ERAP1: variants seen among roughly 807,000 people sequenced by gnomAD.
ERAP1 encodes the protein adipocyte-derived leucine aminopeptidase.
Under a neutral mutation model 103.7 loss-of-function variants are expected in ERAP1, and 86 were observed. The observed-to-expected ratio is 0.83, with a 90% CI of 0.70 to 0.99. ERAP1 has a LOEUF of 0.99. ERAP1 is among the 50% of genes least tolerant of loss of function. The pLI, the probability that ERAP1 is intolerant of heterozygous loss-of-function variation, is 0.00. For synonymous variants in ERAP1, 398 were observed against 402.4 expected, an observed-to-expected ratio of 0.99 and a Z score of 0.13; for missense variants, 1,009 against 1,128.4, an observed-to-expected ratio of 0.89 and a Z score of 1.52.
chr5:96,893,962 T>C, the ERAP1 span, among the ~76,000 whole-genome samples: 2 of 152,210 alleles, frequency 1.3e-5, no homozygotes, highest in Non-Finnish European at 2.9e-5. Flanking sequence ...CTGAGTACTA[T>C]TTACAAGGCT....
intron 10 of ERAP1, 117 bp downstream of exon 10, chr5:96,790,179 T>C (rs1203538466): frequency 1.2e-6 from 1 of 863,218 alleles, no homozygotes; most frequent in East Asian, 2.6e-5. Flanking sequence ...TGCAGTCTTA[T>C]CTGGAATGAG....
At chr5:96,881,328 G>A in the ERAP1 span, 8 of 439,848 alleles carry the variant, frequency 1.8e-5, no homozygotes, top group African/African-American at 8.0e-5. Flanking sequence ...CAGTGCTTAT[G>A]GAGTGAAACA....
At chr5:96,917,810 G>C in the ERAP1 span, 2 of 271,578 alleles carry the variant, frequency 7.4e-6, no homozygotes, top group Admixed American at 5.3e-5. Flanking sequence ...GCAGGCTGCA[G>C]CAGGAAAATG....
the ERAP1 span, among the ~76,000 whole-genome samples, chr5:96,906,804 G>A: frequency 6.6e-6 from 1 of 152,192 alleles, no homozygotes; most frequent in Admixed American, 6.5e-5. Flanking sequence ...GGCCAAGGCG[G>A]GTGGATCACC....
chr5:96,765,153 C>A, intron 19 of ERAP1: 1 of 879,448 alleles, frequency 1.1e-6, no homozygotes, highest in Non-Finnish European at 1.9e-6. Context: ...AGATGGAGTT[C>A]CTGGGCTAAT....
Position 96,775,395 on chromosome 5 carries a change from G to A in ERAP1, c.*1001C>T. 2.0e-6 allele frequency: 2 copies of A among 985,286 alleles called. No individual in the cohort carries two copies. Among genetic ancestry groups the A allele is most frequent in the Non-Finnish European group, 2.4e-6 (2 of 829,758 alleles). 61.0% of individuals were successfully genotyped at this position (985,286 alleles called of 1,614,324 possible). A position where few individuals can be genotyped will look rare whatever the true frequency, so the allele number is the denominator to read the frequency against. On this transcript the variant is annotated 3_prime_UTR_variant, in exon 19 of 19. Transcript: ENST00000443439. ...GTCAGTAAATGCCAATAACTAGTTA[G>A]TTAGAAATTGTAAAGTAGGCCAAAT... is the stretch of plus-strand genomic sequence containing the variant.
At chr5:96,808,102 A>T (rs887379332), upstream of ERAP1, 6 of 985,236 alleles carry the variant, frequency 6.1e-6, no homozygotes, top group Admixed American at 1.2e-4. Flanking sequence ...GGAATTGGTA[A>T]ATGAGCGCTG....
the ERAP1 span, among the ~76,000 whole-genome samples, chr5:96,845,696 A>G: frequency 1.2e-4 from 17 of 139,174 alleles, no homozygotes; most frequent in African/African-American, 3.6e-4. Flanking sequence ...ATATTCTGCA[A>G]TTTCCTGTAT....
At chr5:96,934,985 G>GC in the ERAP1 span, 1 of 152,336 alleles carries the variant, frequency 6.6e-6, no homozygotes, top group Non-Finnish European at 1.5e-5. Flanking sequence ...GGCTTATGGG[G>GC]CCCCTGGCGG....
the ERAP1 span, among the ~76,000 whole-genome samples, chr5:96,814,488 A>G: frequency 6.6e-6 from 1 of 152,330 alleles, no homozygotes; most frequent in Non-Finnish European, 1.5e-5. Flanking sequence ...ATATCAAAAA[A>G]ATAACTGGTG....
Position 96,793,317 on chromosome 5 carries a change from A to G in ERAP1, c.1188+83T>C, listed in dbSNP as rs1203273286. The G allele has an allele frequency of 3.1e-6, 3 of 975,526 alleles. No individual in the cohort carries two copies. The Admixed American group carries it at 5.8e-5, about 19-fold the overall frequency. 60.4% of individuals were successfully genotyped at this position (975,526 alleles called of 1,614,324 possible). A position where few individuals can be genotyped will look rare whatever the true frequency, so the allele number is the denominator to read the frequency against. The stretch of plus-strand genomic sequence containing the variant: ...GTGAAATATTTTTATAAGTTCTATA[A>G]TCAAAGATTAGTGAATATTTTCCAG... On this transcript the variant is annotated intron_variant, in intron 7 of 18. Transcript: ENST00000443439.
At chr5:96,787,021 C>T (rs942417665) in intron 11 of ERAP1, among the ~76,000 whole-genome samples, 2 of 151,640 alleles carry the variant, frequency 1.3e-5, no homozygotes, top group African/African-American at 4.8e-5. Context: ...ATCGAGAAGC[C>T]CAAAAAAGAC....
the ERAP1 span, chr5:96,917,693 T>C: frequency 9.3e-7 from 1 of 1,075,190 alleles, no homozygotes; most frequent in East Asian, 3.1e-5. Flanking sequence ...GATCACGAGG[T>C]CAGGAGATGG....
intron 8 of ERAP1, among the ~76,000 whole-genome samples, chr5:96,790,954 G>A (rs1369899535): frequency 2.0e-5 from 3 of 152,218 alleles, no homozygotes; most frequent in Non-Finnish European, 2.9e-5. Context: ...GGGGATAATG[G>A]TGCAGATTAA....
chr5:96,931,820 T>C, the ERAP1 span, among the ~76,000 whole-genome samples: 2 of 152,150 alleles, frequency 1.3e-5, no homozygotes, highest in South Asian at 2.1e-4. Flanking sequence ...GAATTGCTCA[T>C]ATAGAGGACT....
upstream of ERAP1, among the ~76,000 whole-genome samples, chr5:96,809,857 C>T (rs1187090936): frequency 6.6e-6 from 1 of 152,020 alleles, no homozygotes; most frequent in Admixed American, 6.5e-5. Context: ...GATGGTTTTC[C>T]TTTGGCTTCT....
At chr5:96,904,133 G>A in the ERAP1 span, among the ~76,000 whole-genome samples, 75,593 of 152,022 alleles carry the variant, frequency 0.5, 19,010 homozygotes, top group Middle Eastern at 0.57. Context: ...GGAGAAATTA[G>A]TATGACGTTT....
rs1462641468 is a variant in ERAP1 at position 96,786,563 on chromosome 5, G to A, written c.1680-14C>T. The A allele has an allele frequency of 6.5e-7, 1 of 1,532,314 alleles. No homozygotes were observed. The highest frequency in any genetic ancestry group is 1.1e-5 in the South Asian group (1 of 89,626). 94.9% of individuals were successfully genotyped at this position (1,532,314 alleles called of 1,614,324 possible). On this transcript the variant is annotated splice_polypyrimidine_tract_variant and intron_variant, in intron 11 of 18. Transcript: ENST00000443439. ...TGCCACAGGTACCTAAAATAAAGGA[G>A]AGGTGGATTGTTCATTTGTTGATTC...
At chr5:96,910,199 A>C in the ERAP1 span, 85,274 of 157,806 alleles carry the variant, frequency 0.54, 23,097 homozygotes, top group Admixed American at 0.59. Flanking sequence ...TGGGAAGCAG[A>C]AGTTGCCGTG....
Sources: allele counts gnomAD v4.1 joint callset (sites outside exome capture counted in the v4.1 genomes callset), GRCh38; gene constraint gnomAD v4.1.1; transcripts MANE v1.5; gene names NCBI Gene and HGNC (gene_info 2026-07-23, HGNC 2026-07-21).